Variants in ITGA8 observed in about 807,000 individuals in gnomAD.
ITGA8 encodes integrin subunit alpha 8, also known as integrin alpha-8.
Under a neutral mutation model 142.3 loss-of-function variants are expected in ITGA8, and 91 were observed. The observed-to-expected ratio is 0.64, with a 90% CI of 0.54 to 0.76. The LOEUF (loss-of-function observed/expected upper bound fraction) is 0.76, where lower values mean the gene tolerates loss of function less well. ITGA8 is among the 30% of genes least tolerant of loss of function. The probability of loss-of-function intolerance (pLI) is 0.00; values close to 1 mark genes in which losing one functional copy is unlikely to be tolerated. For synonymous variants in ITGA8, 505 were observed against 485.2 expected (o/e 1.04, Z -0.54); for missense variants, 1,406 against 1,327.7 (o/e 1.06, Z -0.92).
intron 13 of ITGA8, among the ~76,000 whole-genome samples, chr10:15,641,077 G>A (rs1408545097): frequency 1.3e-5 from 2 of 152,120 alleles, no homozygotes; most frequent in African/African-American, 4.8e-5. Flanking sequence ...TTTCTGAGAT[G>A]GAGTCTCGCC....
chr10:15,639,832 C>T (rs541968085), intron 13 of ITGA8, among the ~76,000 whole-genome samples: 13 of 152,272 alleles, frequency 8.5e-5, no homozygotes, highest in African/African-American at 3.1e-4. Flanking sequence ...AAGCTTTCCA[C>T]GTGATTTTAA....
At chr10:15,586,062 T>C (rs1832825198) in intron 23 of ITGA8, among the ~76,000 whole-genome samples, 1 of 142,316 alleles carries the variant, frequency 7.0e-6, no homozygotes, top group Non-Finnish European at 1.5e-5. Flanking sequence ...TTTTTTTTTT[T>C]TTTTTTTTTT....
rs1213699457 is a variant in ITGA8, at chr10:15,719,619, G to A, written c.153C>T (p.Gly51=). The A allele has an allele frequency of 1.9e-6, 3 of 1,559,508 alleles. No homozygotes were observed. Among genetic ancestry groups the A allele is most frequent in the Non-Finnish European group, 2.6e-6 (3 of 1,160,766 alleles). The change falls in exon 1 of 30, where the codon GGC becomes GGT. Residue 51 remains glycine, a synonymous_variant. Transcript: ENST00000378076. ...LDVEKLTVYS[G]PKGSYFGYAV... is the part of the protein sequence containing the mutation. ...CGTAGCCGAAGTAGCTGCCCTTGGG[G>A]CCGCTGTACACTGTGAGCTTTTCCA...
At chr10:15,524,391 A>T (rs1026562526) in intron 28 of ITGA8, among the ~76,000 whole-genome samples, 12 of 152,222 alleles carry the variant, frequency 7.9e-5, no homozygotes, top group Non-Finnish European at 1.3e-4. Context: ...GTAATTATTC[A>T]AATAACTGAA....
At position 15,585,411 on chromosome 10, in the gene ITGA8, A is replaced by G. The variant is rs564110080; in HGVS notation, c.2372+1173T>C. On this transcript the variant is annotated intron_variant, in intron 23 of 29. Transcript: ENST00000378076. ...CAGAAGGGAACAGTGTATGTTAGAC[A>G]TTGCTATTATTCTCTAATCCGCTAG... Among the ~76,000 whole-genome samples the G allele has an allele frequency of 2.6e-5, 4 of 152,314 alleles. No homozygotes were observed. The South Asian group carries it at 8.3e-4, about 32-fold the overall frequency.
chr10:15,682,778 G>A (rs1834761266), intron 4 of ITGA8, among the ~76,000 whole-genome samples: 1 of 150,100 alleles, frequency 6.7e-6, no homozygotes, highest in Non-Finnish European at 1.5e-5. Context: ...TTGAGCCCAG[G>A]AAGTCGAGGC....
intron 23 of ITGA8, among the ~76,000 whole-genome samples, chr10:15,584,909 T>A (rs898557180): frequency 1.3e-5 from 2 of 151,990 alleles, no homozygotes; most frequent in African/African-American, 2.4e-5. Context: ...ATACAAAAAT[T>A]AGCCGGGCGT....
rs552119634 is a variant in ITGA8, at chr10:15,646,602, T to A, written c.1207+244A>T. 2.0e-4 allele frequency among the ~76,000 whole-genome samples: 30 copies of A among 152,314 alleles called. No homozygotes were observed. In the South Asian group the frequency reaches 6.2e-3, roughly 32 times the overall value. Reference sequence around the variant, plus strand: ...GTTACAGATTTTTCTCTGTGTTGCATTGTAATCTTGTGAGATTTGAAATAA... The same window carrying A: ...GTTACAGATTTTTCTCTGTGTTGCAATGTAATCTTGTGAGATTTGAAATAA... On this transcript the variant is annotated intron_variant, in intron 12 of 29. Coordinates refer to ENST00000378076, the MANE Select transcript of ITGA8 (RefSeq NM_003638.3).
chr10:15,645,367 A>C (rs1433994040), intron 12 of ITGA8, among the ~76,000 whole-genome samples: 2 of 152,092 alleles, frequency 1.3e-5, no homozygotes, highest in African/African-American at 4.8e-5. Flanking sequence ...AATACTATTA[A>C]AGGTTTGAGA....
At chr10:15,616,326 G>T (rs1388991420) in intron 14 of ITGA8, among the ~76,000 whole-genome samples, 188 bp downstream of exon 14, 2 of 152,162 alleles carry the variant, frequency 1.3e-5, no homozygotes, top group Admixed American at 6.5e-5. Context: ...TGGAAGTTTG[G>T]TCATGCAGTA....
At chr10:15,628,921 C>G (rs1025637964) in intron 13 of ITGA8, among the ~76,000 whole-genome samples, 1 of 152,038 alleles carries the variant, frequency 6.6e-6, no homozygotes, top group Admixed American at 6.5e-5. Flanking sequence ...TGCAAATTGT[C>G]TCTACAACAA....
chr10:15,654,320 C>G (rs1834144633), intron 11 of ITGA8, among the ~76,000 whole-genome samples: 1 of 152,184 alleles, frequency 6.6e-6, no homozygotes. Flanking sequence ...TAATTTTTGT[C>G]TGTAGCAGCA....
At chr10:15,597,606 CAG>C (rs528176661) in intron 20 of ITGA8, among the ~76,000 whole-genome samples, 48 of 152,232 alleles carry the variant, frequency 3.2e-4, no homozygotes, top group African/African-American at 1.1e-3. Flanking sequence ...ATGTGAAACT[CAG>C]GGCATGAAAA....
At chr10:15,594,003 A>G (rs577790641) in intron 21 of ITGA8, among the ~76,000 whole-genome samples, 8 of 151,980 alleles carry the variant, frequency 5.3e-5, no homozygotes, top group African/African-American at 1.7e-4. Flanking sequence ...CACCACACCC[A>G]GCAATTTTTT....
intron 27 of ITGA8, among the ~76,000 whole-genome samples, chr10:15,532,156 C>T (rs955081867): frequency 6.6e-6 from 1 of 151,668 alleles, no homozygotes; most frequent in Non-Finnish European, 1.5e-5. Context: ...GCCGGCCGGG[C>T]GTGGTGGAAT....
chr10:15,714,578 A>T (rs1835418002), intron 2 of ITGA8, among the ~76,000 whole-genome samples: 1 of 152,178 alleles, frequency 6.6e-6, no homozygotes, highest in Non-Finnish European at 1.5e-5. Flanking sequence ...TGCTTCTAGT[A>T]TTCATGCATT....
At chr10:15,578,821 C>T (rs187703882) in intron 23 of ITGA8, among the ~76,000 whole-genome samples, 39 of 152,202 alleles carry the variant, frequency 2.6e-4, no homozygotes, top group Non-Finnish European at 5.9e-5. Flanking sequence ...GTATGTGGTG[C>T]TGTCTCTTGT....
At chr10:15,717,115 T>C (rs896980970) in intron 2 of ITGA8, among the ~76,000 whole-genome samples, 1 of 152,184 alleles carries the variant, frequency 6.6e-6, no homozygotes, top group African/African-American at 2.4e-5. Flanking sequence ...TTGTAACTTA[T>C]CAGGGCAGAC....
chr10:15,623,335 G>A (rs1833526982), intron 13 of ITGA8, among the ~76,000 whole-genome samples: 2 of 152,124 alleles, frequency 1.3e-5, no homozygotes, highest in South Asian at 4.2e-4. Flanking sequence ...TTTTTACACT[G>A]CCTTCTAGGT....
Sources: allele counts gnomAD v4.1 joint callset (sites outside exome capture counted in the v4.1 genomes callset), GRCh38; gene constraint gnomAD v4.1.1; transcripts MANE v1.5; gene names NCBI Gene and HGNC (gene_info 2026-07-23, HGNC 2026-07-21).